WDHD1: variants seen among roughly 807,000 people sequenced by gnomAD.
WDHD1 encodes the protein WD repeat and HMG-box DNA binding protein 1, also known as WD repeat and HMG-box DNA-binding protein 1.
In WDHD1, 111 loss-of-function variants were observed where a neutral mutation model predicts 135.4. The ratio of observed to expected loss-of-function variants is 0.82; its 90% confidence interval spans 0.70 to 0.96. The LOEUF (loss-of-function observed/expected upper bound fraction) is 0.96. Ranked by LOEUF, WDHD1 falls within the 40% of genes least tolerant of loss-of-function variation. The pLI is 0.00. For missense variants in WDHD1, 1,351 were observed against 1,336.3 expected (o/e 1.01, Z -0.17); for synonymous variants, 434 against 439.0 (o/e 0.99, Z 0.14).
Position 54,957,134 on chromosome 14 carries a change from A to G in WDHD1, c.2816T>C (p.Met939Thr), listed in dbSNP as rs777340784. ...AGTGGATTTCTTGGATGATTTGCCCATATTGTCTAAAATATTAGTTGAACG... is the reference window on the plus strand; with the variant it reads ...AGTGGATTTCTTGGATGATTTGCCCGTATTGTCTAAAATATTAGTTGAACG... ...SARSTNILDN[M>T]GKSSKKSTAL... The change falls in exon 23 of 26, where the codon ATG becomes ACG. Residue 939 changes from methionine (M) to threonine (T), a missense_variant. Physicochemically the swap from Met to Thr is moderately conservative, Grantham distance 81. This residue lies in a region of WDHD1 where 1,330 missense variants were observed against 1,296.1 expected (regional missense o/e 1.03). Coordinates refer to ENST00000360586, the MANE Select transcript of WDHD1 (RefSeq NM_007086.4). 2.5e-6 allele frequency: 4 copies of G among 1,614,180 alleles called. No individual in the cohort carries two copies. Among genetic ancestry groups the G allele is most frequent in the Admixed American group, 3.3e-5 (2 of 60,010 alleles).
chr14:54,948,875 G>A (rs1394363536), intron 24 of WDHD1, among the ~76,000 whole-genome samples: 3 of 152,202 alleles, frequency 2.0e-5, no homozygotes, highest in African/African-American at 7.2e-5. Context: ...AGCCTCCGCT[G>A]CTGATACCCA....
rs1219839130 is a variant in WDHD1, at chr14:55,001,261, CATTTT to C, written c.694-274_694-270del. Among the ~76,000 whole-genome samples, 11 of 152,148 alleles carry C rather than the reference CATTTT, an allele frequency of 7.2e-5. No individual in the cohort carries two copies. In the East Asian group the frequency reaches 1.7e-3, roughly 24 times the overall value. ...ATCATGAAAAAAATTATACTGGCACCATTTTATTTTATTTTTAGAGTCAGGGTCTT... is the reference window on the plus strand; with the variant it reads ...ATCATGAAAAAAATTATACTGGCACCATTTTATTTTTAGAGTCAGGGTCTT... On this transcript the variant is annotated intron_variant, in intron 8 of 25. Coordinates refer to ENST00000360586, the MANE Select transcript of WDHD1 (RefSeq NM_007086.4).
At chr14:54,991,521 C>T in intron 11 of WDHD1, 121 bp from the exon 12 acceptor site, 1 of 948,284 alleles carries the variant, frequency 1.1e-6, no homozygotes. Flanking sequence ...TGCTATTTGC[C>T]TCTTTCACTG....
chr14:54,971,007 T>C (rs1168122161), intron 16 of WDHD1, among the ~76,000 whole-genome samples: 2 of 152,152 alleles, frequency 1.3e-5, no homozygotes, highest in African/African-American at 2.4e-5. Context: ...CCCTACTCAA[T>C]AAATGGTGCT....
At chr14:55,018,031 A>G (rs2042288352) in intron 2 of WDHD1, among the ~76,000 whole-genome samples, 1 of 152,114 alleles carries the variant, frequency 6.6e-6, no homozygotes, top group South Asian at 2.1e-4. Flanking sequence ...TGTTAATTAA[A>G]TACACAAAAA....
At position 54,993,757 on chromosome 14, in the gene WDHD1, G is replaced by T. The variant is rs542957589; in HGVS notation, c.1153+1846C>A. 3.3e-3 allele frequency among the ~76,000 whole-genome samples: 386 copies of T among 117,502 alleles called. 3 individuals are homozygous for T. Among genetic ancestry groups the T allele is most frequent in the South Asian group, 0.027 (88 of 3,252 alleles). The allele number at this position is 117,502 out of a possible 152,430, so 77.1% of individuals were successfully genotyped here. Reference sequence around the variant, plus strand: ...GCCACTCTTCTCACTAATTTTTTTTGTTTTTCATAAAAAAGTACTATTCAT... The same window carrying T: ...GCCACTCTTCTCACTAATTTTTTTTTTTTTTCATAAAAAAGTACTATTCAT... On this transcript the variant is annotated intron_variant, in intron 11 of 25. Coordinates refer to ENST00000360586, the MANE Select transcript of WDHD1 (RefSeq NM_007086.4).
intron 24 of WDHD1, among the ~76,000 whole-genome samples, chr14:54,954,817 C>T (rs548253557): frequency 1.3e-5 from 2 of 152,254 alleles, no homozygotes; most frequent in East Asian, 1.9e-4. Flanking sequence ...GCAATCTCCG[C>T]GTCCCGGGTT....
rs571028434 is a variant in WDHD1 at position 55,014,663 on chromosome 14, C to T, written c.78-1067G>A. 3.8e-3 allele frequency among the ~76,000 whole-genome samples: 585 copies of T among 152,050 alleles called. 2 individuals are homozygous for T. Among genetic ancestry groups the T allele is most frequent in the Admixed American group, 0.011 (164 of 15,250 alleles). ...ACTCATTTAGTATGTGCCCTATCTA[C>T]ACACATACAAAAAAGCAAATAAAAA... On this transcript the variant is annotated intron_variant, in intron 2 of 25. Transcript: ENST00000360586.
intron 16 of WDHD1, among the ~76,000 whole-genome samples, chr14:54,978,728 A>G (rs531479824): frequency 6.6e-6 from 1 of 152,310 alleles, no homozygotes; most frequent in African/African-American, 2.4e-5. Context: ...TACTAATTCA[A>G]TTTTGCATCC....
intron 24 of WDHD1, among the ~76,000 whole-genome samples, chr14:54,947,258 G>C (rs1035178010): frequency 2.0e-5 from 3 of 152,080 alleles, no homozygotes; most frequent in Admixed American, 6.5e-5. Flanking sequence ...AGAATCACTT[G>C]AACCCAGAGG....
At chr14:55,013,393 G>C (rs2042206028) in intron 3 of WDHD1, 92 bp downstream of exon 3, 1 of 828,196 alleles carries the variant, frequency 1.2e-6, no homozygotes, top group African/African-American at 1.7e-5. Context: ...ATAAACAAAG[G>C]TATATCTATA....
intron 24 of WDHD1, among the ~76,000 whole-genome samples, chr14:54,949,336 C>G (rs954044315): frequency 6.6e-6 from 1 of 152,204 alleles, no homozygotes; most frequent in East Asian, 1.9e-4. Flanking sequence ...AACCATGGCA[C>G]GAGAACTACG....
chr14:54,981,881 A>G (rs991058611), intron 15 of WDHD1, among the ~76,000 whole-genome samples, 185 bp from the exon 16 acceptor site: 1 of 152,204 alleles, frequency 6.6e-6, no homozygotes, highest in Non-Finnish European at 1.5e-5. Flanking sequence ...ACCTAACTAA[A>G]AAAAGAAAAA....
chr14:54,979,522 C>T (rs937491098), intron 16 of WDHD1, among the ~76,000 whole-genome samples: 13 of 152,218 alleles, frequency 8.5e-5, no homozygotes, highest in African/African-American at 3.1e-4. Flanking sequence ...CTCCCATGCC[C>T]ACCCCAATCT....
In WDHD1 at chr14:54,999,358, G is replaced by A. The variant is rs149216254; in HGVS notation, c.942+1145C>T. Among the ~76,000 whole-genome samples the A allele has an allele frequency of 1.1e-4, 17 of 152,264 alleles. No individual in the cohort carries two copies. The East Asian group carries it at 2.1e-3, about 19-fold the overall frequency. ...AGAATGCATGTGAAGATGGGGGAGG[G>A]CAGGTACCCAGCTTTGAACACAGAT... On this transcript the variant is annotated intron_variant, in intron 10 of 25. Transcript: ENST00000360586.
intron 13 of WDHD1, among the ~76,000 whole-genome samples, chr14:54,988,583 A>G (rs1221688285): frequency 1.3e-5 from 2 of 152,190 alleles, no homozygotes; most frequent in Admixed American, 1.3e-4. Context: ...AGGGAGGTTC[A>G]AATAGAAAGA....
At chr14:55,023,058 C>T (rs2042376237) in intron 2 of WDHD1, among the ~76,000 whole-genome samples, 2 of 152,042 alleles carry the variant, frequency 1.3e-5, no homozygotes, top group African/African-American at 4.8e-5. Flanking sequence ...AGGTGATCCA[C>T]CCACCTCGGC....
chr14:54,969,871 C>T (rs2041403609), intron 16 of WDHD1, among the ~76,000 whole-genome samples: 1 of 152,188 alleles, frequency 6.6e-6, no homozygotes, highest in Admixed American at 6.5e-5. Context: ...AGGTTTTACT[C>T]CTGGGATGTA....
chr14:54,974,608 C>T (rs1288231194), intron 16 of WDHD1, among the ~76,000 whole-genome samples: 1 of 151,846 alleles, frequency 6.6e-6, no homozygotes, highest in African/African-American at 2.4e-5. Flanking sequence ...GGCAGATCAC[C>T]TGAGCTCTGG....
Sources: gnomAD v4.1 joint callset for allele counts (sites outside exome capture counted in the v4.1 genomes callset) on GRCh38, gnomAD v4.1.1 for gene constraint, gnomAD v4.1.1 regional missense constraint, MANE v1.5 for transcripts, NCBI Gene and HGNC (gene_info 2026-07-23, HGNC 2026-07-21) for gene names.